Variants in TAMM41 observed in about 807,000 individuals in gnomAD.
TAMM41 encodes the protein phosphatidate cytidylyltransferase, mitochondrial.
TAMM41 carries 36 observed loss-of-function variants against 44.1 expected under a neutral mutation model. The observed-to-expected ratio is 0.82, with a 90% CI of 0.63 to 1.08. The LOEUF (loss-of-function observed/expected upper bound fraction) is 1.08. Ranked by LOEUF, TAMM41 falls within the 50% of genes least tolerant of loss-of-function variation. The pLI is 0.00. For missense variants in TAMM41, 417 were observed against 404.3 expected, an observed-to-expected ratio of 1.03 and a Z score of -0.27; for synonymous variants, 164 against 153.1, an observed-to-expected ratio of 1.07 and a Z score of -0.53.
intron 3 of TAMM41, among the ~76,000 whole-genome samples, chr3:11,838,460 C>T (rs1232475217): frequency 2.6e-5 from 4 of 152,130 alleles, no homozygotes; most frequent in Non-Finnish European, 4.4e-5. Flanking sequence ...TCAAATGATC[C>T]GCCCACCTTG....
At chr3:11,729,619 G>C in the TAMM41 span, among the ~76,000 whole-genome samples, 3 of 130,358 alleles carry the variant, frequency 2.3e-5, no homozygotes, top group African/African-American at 8.9e-5. Flanking sequence ...GGAGTCCAGT[G>C]GTGCCATCTC....
intron 7 of TAMM41, among the ~76,000 whole-genome samples, chr3:11,793,059 CAAA>C (rs61264653): frequency 0.21 from 13,409 of 64,808 alleles, 780 homozygotes; most frequent in East Asian, 0.28. Flanking sequence ...GGCCCCATCT[CAAA>C]AAAAAAAAAA....
chr3:11,749,882 T>C, the TAMM41 span, among the ~76,000 whole-genome samples: 2 of 148,674 alleles, frequency 1.3e-5, no homozygotes, highest in African/African-American at 5.0e-5. Context: ...CTTCATGGAG[T>C]GTCAATTTCT....
chr3:11,747,881 A>ATT, the TAMM41 span, among the ~76,000 whole-genome samples: 782 of 133,374 alleles, frequency 5.9e-3, 7 homozygotes, highest in African/African-American at 0.019. Context: ...TTATTTATTT[A>ATT]TTTTTTTTTT....
At chr3:11,780,980 T>C in the TAMM41 span, among the ~76,000 whole-genome samples, 1 of 152,208 alleles carries the variant, frequency 6.6e-6, no homozygotes, top group East Asian at 1.9e-4. Context: ...TACTGTAAGC[T>C]TACTGAGGCA....
the TAMM41 span, among the ~76,000 whole-genome samples, chr3:11,725,328 CTTTTTTTCTTCTCCTCCTCCTCCT>C: frequency 0.26 from 30,559 of 118,030 alleles, 3,846 homozygotes; most frequent in Middle Eastern, 0.33. Context: ...CCTCCTCCTC[CTTTTTTTCTTCTCCTCCTCCTCCT>C]TTTTTTTCTT....
At chr3:11,829,401 T>C (rs1297884243) in intron 4 of TAMM41, among the ~76,000 whole-genome samples, 1 of 152,220 alleles carries the variant, frequency 6.6e-6, no homozygotes, top group African/African-American at 2.4e-5. Flanking sequence ...AATGTTAAAA[T>C]TGGCGAATCT....
At chr3:11,794,622 A>G (rs1481616855) in intron 7 of TAMM41, among the ~76,000 whole-genome samples, 2 of 152,242 alleles carry the variant, frequency 1.3e-5, no homozygotes, top group East Asian at 3.8e-4. Flanking sequence ...TTTTAGAAGC[A>G]TGCAGAAAGC....
chr3:11,752,421 T>C, the TAMM41 span, among the ~76,000 whole-genome samples: 2 of 152,042 alleles, frequency 1.3e-5, no homozygotes, highest in Non-Finnish European at 2.9e-5. Flanking sequence ...ATCCTGCTGA[T>C]TGGTCCATTT....
chr3:11,810,033 G>A (rs1353254450), intron 5 of TAMM41: 4 of 191,516 alleles, frequency 2.1e-5, no homozygotes, highest in Non-Finnish European at 3.2e-5. Context: ...CGTGGAGGCC[G>A]CGTCAAATCC....
chr3:11,754,617 C>T, the TAMM41 span, among the ~76,000 whole-genome samples: 1 of 151,760 alleles, frequency 6.6e-6, no homozygotes, highest in East Asian at 1.9e-4. Flanking sequence ...GATCCTCCTG[C>T]CTTGAACTCC....
intron 2 of TAMM41, 32 bp downstream of exon 2, chr3:11,843,997 C>G (rs965319512): frequency 1.2e-6 from 2 of 1,602,234 alleles, no homozygotes; most frequent in Non-Finnish European, 1.7e-6. Context: ...AAATAACCAG[C>G]CAAGTTAAGA....
intron 3 of TAMM41, 72 bp downstream of exon 3, chr3:11,839,150 C>A: frequency 2.2e-6 from 2 of 913,592 alleles, no homozygotes; most frequent in South Asian, 3.4e-5. Flanking sequence ...TCATTGCAAT[C>A]ACAATGATCA....
the TAMM41 span, among the ~76,000 whole-genome samples, chr3:11,770,582 T>C: frequency 2.0e-5 from 3 of 152,148 alleles, no homozygotes; most frequent in African/African-American, 4.8e-5. Context: ...CAACTCAGGG[T>C]AGTAACACTG....
At position 11,807,611 on chromosome 3, in the gene TAMM41, A is replaced by G. The variant is rs144726198; in HGVS notation, c.937+222T>C. The G allele has an allele frequency of 1.7e-3, 2,611 of 1,536,226 alleles. 42 individuals are homozygous for G. In the African/African-American group the frequency reaches 0.032, roughly 19 times the overall value. On this transcript the variant is annotated intron_variant, in intron 7 of 7. Transcript: ENST00000455809. ...AGTGTCTCAGAAAATTCAGAAGGGC[A>G]GTAAAGCTTCCAACAGCACTGCCAA...
At chr3:11,751,185 G>A in the TAMM41 span, among the ~76,000 whole-genome samples, 2 of 148,578 alleles carry the variant, frequency 1.3e-5, no homozygotes, top group Non-Finnish European at 3.0e-5. Flanking sequence ...TCTGCCTCCC[G>A]GGTTCAAGCA....
intron 4 of TAMM41, 63 bp downstream of exon 4, chr3:11,829,651 T>C: frequency 6.3e-7 from 1 of 1,577,212 alleles, no homozygotes; most frequent in South Asian, 1.1e-5. Flanking sequence ...GAGAACAGGA[T>C]ATCCGCAGTC....
the TAMM41 span, among the ~76,000 whole-genome samples, chr3:11,747,880 TA>T: frequency 0.4 from 40,155 of 101,574 alleles, 5,710 homozygotes; most frequent in Non-Finnish European, 0.42. Flanking sequence ...TTTATTTATT[TA>T]TTTTTTTTTT....
At chr3:11,783,643 C>G in the TAMM41 span, among the ~76,000 whole-genome samples, 1 of 152,178 alleles carries the variant, frequency 6.6e-6, no homozygotes, top group Admixed American at 6.5e-5. Flanking sequence ...ATTCATAACT[C>G]CAAGAGACAG....
Sources: allele counts gnomAD v4.1 joint callset (sites outside exome capture counted in the v4.1 genomes callset), GRCh38; gene constraint gnomAD v4.1.1; transcripts MANE v1.5; gene names NCBI Gene and HGNC (gene_info 2026-07-23, HGNC 2026-07-21).